XIRP2: variants seen among roughly 807,000 people sequenced by gnomAD.
XIRP2 encodes the protein xin actin binding repeat containing 2, also known as xin actin-binding repeat-containing protein 2.
A neutral mutation model predicts 277.0 loss-of-function variants in XIRP2; 236 were observed. The observed-to-expected ratio is 0.85, with a 90% CI of 0.77 to 0.95. The LOEUF (loss-of-function observed/expected upper bound fraction) is 0.95. Among genes scored for constraint, XIRP2 ranks in the 40% least tolerant of loss-of-function variants. The pLI is 0.00. For synonymous variants in XIRP2, 1,490 were observed against 1,416.5 expected (o/e 1.05, Z -1.17); for missense variants, 4,640 against 4,157.5 (o/e 1.12, Z -3.19).
Position 167,243,548 on chromosome 2 carries a change from G to C in XIRP2, c.2156G>C (p.Arg719Thr). ...SVDEVHLLQL[R>T]SELKEIKGNV... Reference sequence around the variant, plus strand: ...GATGAGGTTCATTTACTGCAGCTTAGGTCTGAGCTCAAAGAAATTAAGGGA... The same window carrying C: ...GATGAGGTTCATTTACTGCAGCTTACGTCTGAGCTCAAAGAAATTAAGGGA... The change falls in exon 9 of 11, where the codon AGG becomes ACG. Residue 719 changes from arginine (R) to threonine (T), a missense_variant. Physicochemically the swap from Arg to Thr is moderately conservative, Grantham distance 71. Coordinates refer to ENST00000409195, the MANE Select transcript of XIRP2 (RefSeq NM_152381.6). 6.2e-7 allele frequency: 1 copy of C among 1,613,940 alleles called. No homozygotes were observed. Among genetic ancestry groups the C allele is most frequent in the South Asian group, 1.1e-5 (1 of 91,074 alleles).
intron 3 of XIRP2, among the ~76,000 whole-genome samples, chr2:167,142,199 G>A (rs1219686597): frequency 6.6e-6 from 1 of 152,158 alleles, no homozygotes; most frequent in Non-Finnish European, 1.5e-5. Context: ...AGAACCGCAG[G>A]GCTGACTGAG....
In XIRP2 at chr2:167,249,514, T is replaced by C. The variant is rs1695399622; in HGVS notation, c.8122T>C (p.Phe2708Leu). Reference protein sequence around the residue: ...LPQSKPISPNFKVKTIKLPTL... With the variant: ...LPQSKPISPNLKVKTIKLPTL... The stretch of plus-strand genomic sequence containing the variant: ...CCAAAGCAAACCAATTTCCCCAAAT[T>C]TCAAAGTTAAAACCATCAAACTTCC... Residue 2708 changes from phenylalanine to leucine, a missense_variant, in exon 9 of 11, where the codon TTC becomes CTC. By Grantham distance (22) the Phe-to-Leu change is conservative (BLOSUM62 0). Transcript: ENST00000409195. 1.2e-6 allele frequency: 2 copies of C among 1,613,556 alleles called. No individual in the cohort carries two copies. The highest frequency in any genetic ancestry group is 2.7e-5 in the African/African-American group (2 of 74,846).
At chr2:166,907,737 A>G (rs1260221059) in intron 2 of XIRP2, among the ~76,000 whole-genome samples, 3 of 148,368 alleles carry the variant, frequency 2.0e-5, no homozygotes, top group Non-Finnish European at 3.0e-5. Context: ...TACATTAGGT[A>G]TATCTCCTAA....
At chr2:167,052,797 G>T (rs981629886) in intron 2 of XIRP2, among the ~76,000 whole-genome samples, 1 of 152,068 alleles carries the variant, frequency 6.6e-6, no homozygotes, top group Non-Finnish European at 1.5e-5. Flanking sequence ...CAAAATCATT[G>T]TTTCTAGTCT....
intron 3 of XIRP2, among the ~76,000 whole-genome samples, chr2:167,204,101 T>C (rs1693793667): frequency 6.6e-6 from 1 of 152,184 alleles, no homozygotes; most frequent in South Asian, 2.1e-4. Context: ...CAGGCTTCCA[T>C]GGGACTCACC....
At chr2:167,053,717 T>C (rs1426886405) in intron 2 of XIRP2, among the ~76,000 whole-genome samples, 1 of 152,230 alleles carries the variant, frequency 6.6e-6, no homozygotes, top group Non-Finnish European at 1.5e-5. Context: ...GTCAAAGTAA[T>C]TCTGTATGAT....
intron 2 of XIRP2, among the ~76,000 whole-genome samples, chr2:167,090,288 C>A (rs763502881): frequency 1.3e-5 from 2 of 152,088 alleles, no homozygotes; most frequent in Non-Finnish European, 2.9e-5. Context: ...ATACCCCACT[C>A]ACAACTGATA....
In XIRP2 at chr2:167,023,035, C is replaced by T. The variant is rs373551930; in HGVS notation, c.409-112874C>T. ...GATCCCTGAGGAATCGCCACACGGA[C>T]TTCCACAATGGTTGAACTAGTTTAC... On this transcript the variant is annotated intron_variant, in intron 2 of 10. Coordinates refer to ENST00000409195, the MANE Select transcript of XIRP2 (RefSeq NM_152381.6). Among the ~76,000 whole-genome samples, 4 of 152,340 alleles carry T rather than the reference C, an allele frequency of 2.6e-5. No homozygotes were observed. The East Asian group carries it at 5.8e-4, about 22-fold the overall frequency.
At chr2:167,172,097 G>A (rs111858687) in intron 3 of XIRP2, among the ~76,000 whole-genome samples, 353 of 152,096 alleles carry the variant, frequency 2.3e-3, no homozygotes, top group South Asian at 4.4e-3. Context: ...AGTGTTGGCC[G>A]GTCTGAGAAA....
intron 2 of XIRP2, among the ~76,000 whole-genome samples, chr2:167,107,870 T>C (rs7579123): frequency 0.017 from 2,623 of 151,844 alleles, 85 homozygotes; most frequent in African/African-American, 0.06. Context: ...TTTGTATGTT[T>C]CTTTTTTGGA....
At chr2:167,254,898 C>G (rs2105454150) in intron 10 of XIRP2, among the ~76,000 whole-genome samples, 1 of 145,318 alleles carries the variant, frequency 6.9e-6, no homozygotes, top group South Asian at 2.3e-4. Context: ...GTCTGAGATG[C>G]TAAAATTGAT....
chr2:167,097,711 T>G (rs886093391), intron 2 of XIRP2, among the ~76,000 whole-genome samples: 6 of 152,240 alleles, frequency 3.9e-5, no homozygotes, highest in Non-Finnish European at 8.8e-5. Flanking sequence ...TTTCCATATT[T>G]GTTGCTTCCT....
chr2:166,952,668 A>G (rs1023317500), intron 2 of XIRP2, among the ~76,000 whole-genome samples: 29 of 151,964 alleles, frequency 1.9e-4, no homozygotes, highest in Non-Finnish European at 3.7e-4. Context: ...AACAACTTTC[A>G]TTGGTTCAAC....
At chr2:167,004,559 G>A (rs1282424367) in intron 2 of XIRP2, among the ~76,000 whole-genome samples, 3 of 151,864 alleles carry the variant, frequency 2.0e-5, no homozygotes, top group East Asian at 1.9e-4. Context: ...GTCATATCTC[G>A]GCTGTGTAGC....
chr2:167,079,385 T>C (rs1347467198), intron 2 of XIRP2, among the ~76,000 whole-genome samples: 4 of 152,204 alleles, frequency 2.6e-5, no homozygotes, highest in South Asian at 2.1e-4. Flanking sequence ...CTCAATTTTT[T>C]AGAACAGTTC....
At chr2:167,080,414 C>T (rs2105261215) in intron 2 of XIRP2, among the ~76,000 whole-genome samples, 1 of 152,240 alleles carries the variant, frequency 6.6e-6, no homozygotes, top group Admixed American at 6.5e-5. Context: ...TGTGATGCAC[C>T]TTCAGGGACA....
chr2:167,156,763 A>C (rs1452935527), intron 3 of XIRP2, among the ~76,000 whole-genome samples: 2 of 152,202 alleles, frequency 1.3e-5, no homozygotes, highest in Non-Finnish European at 2.9e-5. Context: ...TTGACAGAAT[A>C]ATTTTTTAAA....
rs58329001 is a variant in XIRP2, at chr2:167,201,188, G to GAGAAAGAA, written c.563-9479_563-9472dup. Among the ~76,000 whole-genome samples, 64 of 79,576 alleles carry GAGAAAGAA rather than the reference G, an allele frequency of 8.0e-4. 1 individual carries two copies. The highest frequency in any genetic ancestry group is 1.7e-3 in the East Asian group (5 of 2,976). 52.2% of individuals were successfully genotyped at this position (79,576 alleles called of 152,430 possible). A position where few individuals can be genotyped will look rare whatever the true frequency, so the allele number is the denominator to read the frequency against. On this transcript the variant is annotated intron_variant, in intron 3 of 10. Transcript: ENST00000409195. ...AGAGAGAGAGAAAGAAAGAGAGAGAGAGAAAGAAAGAAAGAAAGAAAGAAA... is the reference window on the plus strand; with the variant it reads ...AGAGAGAGAGAAAGAAAGAGAGAGAGAGAAAGAAAGAAAGAAAGAAAGAAAGAAAGAAA...
At chr2:166,975,711 G>A (rs1686692953) in intron 2 of XIRP2, among the ~76,000 whole-genome samples, 1 of 151,948 alleles carries the variant, frequency 6.6e-6, no homozygotes, top group Admixed American at 6.5e-5. Context: ...AGATCACGAG[G>A]TCAGGAGATC....
Sources: gnomAD v4.1 joint callset for allele counts (sites outside exome capture counted in the v4.1 genomes callset) on GRCh38, gnomAD v4.1.1 for gene constraint, MANE v1.5 for transcripts, NCBI Gene and HGNC (gene_info 2026-07-23, HGNC 2026-07-21) for gene names.